The following ABCC9 variants were observed in gnomAD, a reference collection of about 807,000 sequenced individuals.
ABCC9 encodes ATP binding cassette subfamily C member 9, also known as ATP-binding cassette sub-family C member 9.
Under a neutral mutation model 188.3 loss-of-function variants are expected in ABCC9, and 95 were observed. That is an observed-to-expected ratio of 0.50 (90% CI 0.43 to 0.60). The LOEUF (loss-of-function observed/expected upper bound fraction) is 0.60. Ranked by LOEUF, ABCC9 falls within the 20% of genes least tolerant of loss-of-function variation. The probability of loss-of-function intolerance (pLI) is 0.00; values close to 1 mark genes in which losing one functional copy is unlikely to be tolerated. For synonymous variants in ABCC9, 659 were observed against 652.7 expected, an observed-to-expected ratio of 1.01 and a Z score of -0.15; for missense variants, 1,102 against 1,876.3, an observed-to-expected ratio of 0.59 and a Z score of 7.62.
chr12:21,912,732 G>GTAA, intron 8 of ABCC9, 140 bp downstream of exon 8: 4 of 842,206 alleles, frequency 4.7e-6, no homozygotes, highest in South Asian at 1.8e-5. Flanking sequence ...GAAAATTACT[G>GTAA]TTTTCTTTCT....
intron 19 of ABCC9, among the ~76,000 whole-genome samples, chr12:21,864,100 C>T (rs530001660): frequency 6.6e-6 from 1 of 152,024 alleles, no homozygotes; most frequent in South Asian, 2.1e-4. Flanking sequence ...AGATGGATCC[C>T]ATCACTGTTC....
chr12:21,908,206 T>G lies in ABCC9; in HGVS notation c.1326A>C (p.Ile442=). ...AATTATAGAGCAGAATCACGCCCAT[T>G]ATGATCTAGAGAGAAAAACACATGG... The part of the protein sequence containing the change: ...PNLWAMPVQI[I]MGVILLYNLL... The change falls in exon 11 of 40, where the codon ATA becomes ATC. Residue 442 remains isoleucine (I), a synonymous_variant. Transcript: ENST00000261200. The G allele has an allele frequency of 6.2e-7, 1 of 1,612,286 alleles. No individual in the cohort carries two copies. The highest frequency in any genetic ancestry group is 8.5e-7 in the Non-Finnish European group (1 of 1,178,792).
intron 24 of ABCC9, among the ~76,000 whole-genome samples, chr12:21,849,390 G>C (rs1051238308): frequency 6.6e-5 from 10 of 152,204 alleles, no homozygotes; most frequent in Middle Eastern, 3.4e-3. Flanking sequence ...CATTTTTACA[G>C]AGAGTTTGAC....
chr12:21,910,409 T>C, intron 9 of ABCC9, 97 bp from the exon 10 acceptor site: 3 of 1,289,038 alleles, frequency 2.3e-6, no homozygotes. Flanking sequence ...TTTAATTTTT[T>C]TGAGAAAAAA....
At chr12:21,885,200 C>T (rs1180769500) in intron 15 of ABCC9, among the ~76,000 whole-genome samples, 1 of 152,162 alleles carries the variant, frequency 6.6e-6, no homozygotes, top group Non-Finnish European at 1.5e-5. Flanking sequence ...GTATCTTAAG[C>T]ACTCTCAAGA....
Position 21,917,254 on chromosome 12 carries a change from A to G in ABCC9, c.407-151T>C, listed in dbSNP as rs1454940579. 12 of 843,028 alleles carry G rather than the reference A, an allele frequency of 1.4e-5. No homozygotes were observed. In the East Asian group the frequency reaches 3.2e-4, roughly 22 times the overall value. The allele number at this position is 843,028 out of a possible 1,614,324, so 52.2% of individuals were successfully genotyped here. The stretch of plus-strand genomic sequence containing the variant: ...ACTTGGTAAGAAAACAACATATATG[A>G]TTTAGTGTACTTCTGGAGTTTTGAG... On this transcript the variant is annotated intron_variant, in intron 5 of 39. Coordinates refer to ENST00000261200, the MANE Select transcript of ABCC9 (RefSeq NM_020297.4).
In ABCC9 at chr12:21,800,958, C is replaced by G. The variant is rs1230117421; in HGVS notation, c.*86G>C. 1 of 1,504,696 alleles carries G rather than the reference C, an allele frequency of 6.6e-7. No homozygotes were observed. The allele number at this position is 1,504,696 out of a possible 1,614,324, so 93.2% of individuals were successfully genotyped here. On this transcript the variant is annotated 3_prime_UTR_variant, in exon 40 of 40. Transcript: ENST00000261200. Reference sequence around the variant, plus strand: ...AAAAATCTGTAAAAGTTTTAAGATGCCACTTTACAGAGGTCAAGCTGATGA... The same window carrying G: ...AAAAATCTGTAAAAGTTTTAAGATGGCACTTTACAGAGGTCAAGCTGATGA...
intron 8 of ABCC9, among the ~76,000 whole-genome samples, 196 bp downstream of exon 8, chr12:21,912,676 T>C (rs1412795264): frequency 1.3e-5 from 2 of 152,108 alleles, no homozygotes; most frequent in African/African-American, 4.8e-5. Context: ...GGTGGCCAGA[T>C]TCATTCAATG....
intron 6 of ABCC9, 74 bp from the exon 7 acceptor site, chr12:21,915,984 C>A (rs1461615603): frequency 6.8e-7 from 1 of 1,476,854 alleles, no homozygotes; most frequent in African/African-American, 1.4e-5. Flanking sequence ...AAATTTCAAC[C>A]TTTTCTACAT....
intron 34 of ABCC9, 53 bp from the exon 35 acceptor site, chr12:21,814,775 A>G (rs1942491591): frequency 6.8e-7 from 1 of 1,474,572 alleles, no homozygotes; most frequent in African/African-American, 1.4e-5. Flanking sequence ...AGGACAGAAG[A>G]TTAGCTTAAG....
intron 12 of ABCC9, among the ~76,000 whole-genome samples, chr12:21,903,126 A>G (rs1947853754): frequency 6.6e-6 from 1 of 152,184 alleles, no homozygotes; most frequent in African/African-American, 2.4e-5. Context: ...TGGGATGCAA[A>G]GCCTCGTTCA....
At chr12:21,858,574 A>T (rs1486295844) in intron 22 of ABCC9, among the ~76,000 whole-genome samples, 1 of 106,628 alleles carries the variant, frequency 9.4e-6, no homozygotes, top group African/African-American at 2.8e-5. Context: ...GCAAGAATCC[A>T]TCTCAAAAAA....
At chr12:21,866,827 GAGA>G (rs1176776580) in intron 18 of ABCC9, among the ~76,000 whole-genome samples, 1 of 152,278 alleles carries the variant, frequency 6.6e-6, no homozygotes, top group Middle Eastern at 3.4e-3. Context: ...CAGAGTAAAA[GAGA>G]AGAACAGAGG....
Position 21,797,771 on chromosome 12 carries a change from T to G in ABCC9, c.*3273A>C, listed in dbSNP as rs1331429942. The G allele has an allele frequency of 2.6e-5, 4 of 152,172 alleles. No homozygotes were observed. The highest frequency in any genetic ancestry group is 5.9e-5 in the Non-Finnish European group (4 of 68,030). 9.4% of individuals were successfully genotyped at this position (152,172 alleles called of 1,614,324 possible). ...ACAAAAATAGATGGTGCATAATTGT[T>G]TATACAAAGTCTTTTCCCTGTCAAT... is the stretch of plus-strand genomic sequence containing the variant. On this transcript the variant is annotated 3_prime_UTR_variant, in exon 40 of 40. Coordinates refer to ENST00000261200, the MANE Select transcript of ABCC9 (RefSeq NM_020297.4).
intron 12 of ABCC9, among the ~76,000 whole-genome samples, chr12:21,899,252 A>G (rs1452447246): frequency 1.6e-4 from 25 of 152,214 alleles, no homozygotes; most frequent in Non-Finnish European, 3.7e-4. Flanking sequence ...AAAAAACCGA[A>G]TTCATCAAAT....
At position 21,799,826 on chromosome 12, in the gene ABCC9, C is replaced by T. The variant is rs113307208; in HGVS notation, c.*1218G>A. On this transcript the variant is annotated 3_prime_UTR_variant, in exon 40 of 40. Transcript: ENST00000261200. ...CAGAATAGTAGAAACTGGTTGCTAA[C>T]GTGACAAAGAAGGTGACTTTTAGTA... The T allele has an allele frequency of 2.6e-3, 399 of 152,228 alleles. 3 individuals are homozygous for T. The highest frequency in any genetic ancestry group is 8.9e-3 in the African/African-American group (369 of 41,546). The allele number at this position is 152,228 out of a possible 1,614,324, so 9.4% of individuals were successfully genotyped here.
At chr12:21,926,302 A>G (rs908493307) in intron 4 of ABCC9, among the ~76,000 whole-genome samples, 3 of 152,232 alleles carry the variant, frequency 2.0e-5, no homozygotes, top group Non-Finnish European at 2.9e-5. Flanking sequence ...TAAAATGCTT[A>G]CAAAGAAACA....
At chr12:21,913,801 GT>G (rs1054591510) in intron 7 of ABCC9, among the ~76,000 whole-genome samples, 2 of 152,118 alleles carry the variant, frequency 1.3e-5, no homozygotes, top group Non-Finnish European at 2.9e-5. Context: ...GGTAGATAAA[GT>G]TTTTTCATTG....
chr12:21,934,058 A>C (rs1306873614), intron 3 of ABCC9, 135 bp from the exon 4 acceptor site: 4 of 782,204 alleles, frequency 5.1e-6, no homozygotes, highest in Non-Finnish European at 8.3e-6. Flanking sequence ...CTAGAGTAGC[A>C]ATGGAAATCC....
Sources: gnomAD v4.1 joint callset for allele counts (sites outside exome capture counted in the v4.1 genomes callset) on GRCh38, gnomAD v4.1.1 for gene constraint, MANE v1.5 for transcripts, NCBI Gene and HGNC (gene_info 2026-07-23, HGNC 2026-07-21) for gene names.